The following PLCE1 variants were observed in gnomAD, a reference collection of about 807,000 sequenced individuals.
PLCE1 encodes phospholipase C epsilon 1, also known as 1-phosphatidylinositol 4,5-bisphosphate phosphodiesterase epsilon-1.
A neutral mutation model predicts 242.8 loss-of-function variants in PLCE1; 119 were observed. The observed-to-expected ratio is 0.49, with a 90% CI of 0.42 to 0.57. The LOEUF (loss-of-function observed/expected upper bound fraction) is 0.57. Among genes scored for constraint, PLCE1 ranks in the 20% least tolerant of loss-of-function variants. The pLI is 0.00. For synonymous variants in PLCE1, 945 were observed against 1,017.4 expected (o/e 0.93, Z 1.35); for missense variants, 2,441 against 2,788.8 (o/e 0.88, Z 2.81).
rs2053142454 is a variant in PLCE1, at chr10:94,304,624, T to C, written c.5601T>C (p.Asp1867=). The C allele has an allele frequency of 6.2e-7, 1 of 1,613,940 alleles. No homozygotes were observed. Among genetic ancestry groups the C allele is most frequent in the Non-Finnish European group, 8.5e-7 (1 of 1,179,976 alleles). The change falls in exon 25 of 33, where the codon GAT becomes GAC. Residue 1867 remains aspartate (D), a synonymous_variant. Transcript: ENST00000371380. ...SPLERDLDSM[D]PAVYSLTIVS... The stretch of plus-strand genomic sequence containing the variant: ...TAGAAAGAGATCTGGACAGCATGGA[T>C]CCTGCAGTCTATTCTTTAACTGTAA...
At chr10:94,100,761 A>G (rs1378765346) in intron 2 of PLCE1, 1 of 152,200 alleles carries the variant, frequency 6.6e-6, no homozygotes, top group Non-Finnish European at 1.5e-5. Context: ...GCTCTTCCTC[A>G]TACTGTATGC....
chr10:94,116,650 G>A (rs985586393), intron 2 of PLCE1, among the ~76,000 whole-genome samples: 10 of 151,976 alleles, frequency 6.6e-5, no homozygotes, highest in East Asian at 3.9e-4. Context: ...AGCTAAAATC[G>A]CACCACTGCA....
intron 3 of PLCE1, among the ~76,000 whole-genome samples, chr10:94,165,895 C>T (rs1013630692): frequency 2.0e-4 from 31 of 151,888 alleles, no homozygotes; most frequent in Admixed American, 6.6e-4. Flanking sequence ...TTAGTAGAGA[C>T]GGGATTTCAC....
rs538761956 is a variant in PLCE1, at chr10:94,306,122, C to G, written c.5623-305C>G. On this transcript the variant is annotated intron_variant, in intron 25 of 32. Transcript: ENST00000371380. This position sits in a 1 kb window ranked among gnomAD's most constrained non-coding sequence, Gnocchi z 5.7. ...TAATAGCTGGGACTACAGGCGCACACCACCATGCCCAGCTAATTTTTTGTA... is the reference window on the plus strand; with the variant it reads ...TAATAGCTGGGACTACAGGCGCACAGCACCATGCCCAGCTAATTTTTTGTA... Among the ~76,000 whole-genome samples the G allele has an allele frequency of 3.3e-5, 5 of 152,190 alleles. No individual in the cohort carries two copies. In the South Asian group the frequency reaches 1.0e-3, roughly 32 times the overall value.
chr10:94,006,173 C>G (rs192652769), intron 1 of PLCE1, among the ~76,000 whole-genome samples: 1 of 152,196 alleles, frequency 6.6e-6, no homozygotes, highest in Non-Finnish European at 1.5e-5. Context: ...CTCTATGCCT[C>G]AGCTTCTGAA....
At position 94,328,090 on chromosome 10, in the gene PLCE1, T is replaced by A. The variant is rs1186983519; in HGVS notation, c.*147T>A. The A allele has an allele frequency of 4.5e-6, 2 of 441,298 alleles. No individual in the cohort carries two copies. The highest frequency in any genetic ancestry group is 9.4e-6 in the Non-Finnish European group (2 of 212,514). 27.3% of individuals were successfully genotyped at this position (441,298 alleles called of 1,614,324 possible). The stretch of plus-strand genomic sequence containing the variant: ...GAAGCCTTCACACATGTGAGATCCA[T>A]GCTGAGGAGAAGCAAAATGGCACAG... On this transcript the variant is annotated 3_prime_UTR_variant, in exon 33 of 33. Transcript: ENST00000371380.
intron 1 of PLCE1, among the ~76,000 whole-genome samples, chr10:94,001,423 AT>A (rs1431629248): frequency 1.3e-5 from 2 of 152,190 alleles, no homozygotes; most frequent in Non-Finnish European, 2.9e-5. Context: ...GCATTTGTAT[AT>A]TTTCATTGCT....
chr10:94,058,269 G>A (rs987894977), intron 2 of PLCE1, among the ~76,000 whole-genome samples: 1 of 152,116 alleles, frequency 6.6e-6, no homozygotes. Flanking sequence ...ATATTTTGGG[G>A]GAGCAGTGTG....
intron 24 of PLCE1, among the ~76,000 whole-genome samples, chr10:94,299,656 A>G (rs1457436508): frequency 2.6e-5 from 4 of 152,218 alleles, no homozygotes; most frequent in Admixed American, 1.3e-4. Context: ...CTGAACCACA[A>G]ACCACAGTAT....
chr10:94,185,552 C>A (rs930686765), intron 4 of PLCE1, among the ~76,000 whole-genome samples: 31 of 152,120 alleles, frequency 2.0e-4, no homozygotes, highest in Admixed American at 7.2e-4. Context: ...TACTGTGGGA[C>A]CCTGGGCAAG....
chr10:94,047,454 CA>C (rs1158842260), intron 2 of PLCE1, among the ~76,000 whole-genome samples: 1 of 152,114 alleles, frequency 6.6e-6, no homozygotes, highest in Non-Finnish European at 1.5e-5. Context: ...GCCCTTTTGC[CA>C]TTTTGTTTTA....
At position 94,328,236 on chromosome 10, in the gene PLCE1, T is replaced by C. The variant is rs1276014778; in HGVS notation, c.*293T>C. The stretch of plus-strand genomic sequence containing the variant: ...TAGAGCAAGGGTCAGCAAGCTTGTC[T>C]GTAAAGGGCCAAACAGTAAATATTT... On this transcript the variant is annotated 3_prime_UTR_variant, in exon 33 of 33. Coordinates refer to ENST00000371380, the MANE Select transcript of PLCE1 (RefSeq NM_016341.4). 3.6e-6 allele frequency: 1 copy of C among 274,520 alleles called. No homozygotes were observed. The highest frequency in any genetic ancestry group is 7.6e-6 in the Non-Finnish European group (1 of 131,168). 17.0% of individuals were successfully genotyped at this position (274,520 alleles called of 1,614,324 possible). A position where few individuals can be genotyped will look rare whatever the true frequency, so the allele number is the denominator to read the frequency against.
intron 23 of PLCE1, among the ~76,000 whole-genome samples, chr10:94,297,590 TAAAAAAAAAAAAAAAAAAAA>T (rs71031568): frequency 3.2e-4 from 18 of 56,584 alleles, no homozygotes; most frequent in East Asian, 2.2e-3. Flanking sequence ...TTTAAATTTG[TAAAAAAAAAAAAAAAAAAAA>T]AAAAAAAAAA....
chr10:94,293,739 T>A, intron 23 of PLCE1, 100 bp downstream of exon 23: 3 of 1,311,886 alleles, frequency 2.3e-6, no homozygotes, highest in Non-Finnish European at 3.3e-6. Flanking sequence ...TTAATTCTTT[T>A]TCCTGAACAT....
chr10:94,202,300 C>T (rs1397671236), intron 4 of PLCE1, among the ~76,000 whole-genome samples: 1 of 152,118 alleles, frequency 6.6e-6, no homozygotes, highest in Non-Finnish European at 1.5e-5. Context: ...TTACCCTTCC[C>T]TCTACCCCAC....
At chr10:94,326,337 AAAG>A (rs1056127588) in intron 32 of PLCE1, among the ~76,000 whole-genome samples, 4 of 152,208 alleles carry the variant, frequency 2.6e-5, no homozygotes, top group African/African-American at 9.6e-5. Context: ...AAACAGCCCA[AAAG>A]AAGGCCCAAT....
chr10:94,245,045 C>T (rs1414230848), intron 7 of PLCE1, among the ~76,000 whole-genome samples: 1 of 151,966 alleles, frequency 6.6e-6, no homozygotes, highest in African/African-American at 2.4e-5. Context: ...CCTTTTTTAA[C>T]CTAAAAAGGT....
chr10:94,146,222 A>G (rs1471985766), intron 3 of PLCE1, among the ~76,000 whole-genome samples: 4 of 152,174 alleles, frequency 2.6e-5, no homozygotes, highest in Admixed American at 1.3e-4. Flanking sequence ...AATTGGGTGC[A>G]CTGAAAATAG....
intron 5 of PLCE1, among the ~76,000 whole-genome samples, chr10:94,232,550 G>A (rs2050180752): frequency 6.6e-6 from 1 of 152,112 alleles, no homozygotes; most frequent in Admixed American, 6.5e-5. Context: ...GACCAATGGA[G>A]GGTGCTTTTA....
Sources: gnomAD v4.1 joint callset for allele counts (sites outside exome capture counted in the v4.1 genomes callset) on GRCh38, gnomAD v4.1.1 for gene constraint, Gnocchi (gnomAD v3.1) non-coding constraint, MANE v1.5 for transcripts, NCBI Gene and HGNC (gene_info 2026-07-23, HGNC 2026-07-21) for gene names.